The following ARMC8 variants were observed in gnomAD, a reference collection of about 807,000 sequenced individuals.
The protein encoded by ARMC8 is armadillo repeat-containing protein 8.
In ARMC8, 20 loss-of-function variants were observed where a neutral mutation model predicts 99.3. The ratio of observed to expected loss-of-function variants is 0.20; its 90% CI spans 0.14 to 0.29. The LOEUF is 0.29. Ranked by LOEUF, ARMC8 falls within the 10% of genes least tolerant of loss-of-function variation. ARMC8 has a pLI of 1.00. For synonymous variants in ARMC8, 263 were observed against 278.3 expected (o/e 0.95, Z 0.55); for missense variants, 569 against 809.5 (o/e 0.70, Z 3.60).
intron 2 of ARMC8, among the ~76,000 whole-genome samples, chr3:138,218,882 G>GTTT: frequency 6.6e-6 from 1 of 152,202 alleles, no homozygotes; most frequent in South Asian, 2.1e-4. Context: ...TGGGAAAAGG[G>GTTT]TATCTGACTA....
At chr3:138,250,110 AT>A (rs869202628) in intron 12 of ARMC8, among the ~76,000 whole-genome samples, 2 of 151,908 alleles carry the variant, frequency 1.3e-5, no homozygotes, top group African/African-American at 2.4e-5. Flanking sequence ...ATTAAAAAAA[AT>A]TTTTTTTTGA....
At chr3:138,241,545 G>A (rs1485513585) in intron 10 of ARMC8, among the ~76,000 whole-genome samples, 1 of 152,100 alleles carries the variant, frequency 6.6e-6, no homozygotes, top group Non-Finnish European at 1.5e-5. Context: ...ATTAGAATTT[G>A]TATTAATATA....
chr3:138,278,579 C>A (rs1476820043), intron 18 of ARMC8, among the ~76,000 whole-genome samples: 2 of 151,810 alleles, frequency 1.3e-5, no homozygotes, highest in African/African-American at 4.8e-5. Flanking sequence ...TTTCATAATT[C>A]TGTTCTCATT....
At chr3:138,215,862 A>G (rs2044999330) in intron 2 of ARMC8, among the ~76,000 whole-genome samples, 1 of 151,436 alleles carries the variant, frequency 6.6e-6, no homozygotes, top group Non-Finnish European at 1.5e-5. Flanking sequence ...TTATTTATTT[A>G]TTTATTGTTT....
At chr3:138,229,742 G>GTA (rs1346483439) in intron 6 of ARMC8, among the ~76,000 whole-genome samples, 3 of 152,146 alleles carry the variant, frequency 2.0e-5, no homozygotes, top group African/African-American at 4.8e-5. Context: ...TATGTTGAAT[G>GTA]TATCATTTTT....
intron 12 of ARMC8, chr3:138,262,308 G>T: frequency 2.0e-6 from 1 of 509,416 alleles, no homozygotes; most frequent in Non-Finnish European, 3.5e-6. Flanking sequence ...AATTAGGTTT[G>T]GTCTAGGGCG....
intron 12 of ARMC8, among the ~76,000 whole-genome samples, chr3:138,253,820 T>C (rs1365940190): frequency 1.3e-5 from 2 of 152,216 alleles, no homozygotes; most frequent in African/African-American, 4.8e-5. Flanking sequence ...TGCTATGTAG[T>C]AATTCCAGAG....
intron 2 of ARMC8, among the ~76,000 whole-genome samples, chr3:138,220,144 A>G (rs2045312626): frequency 1.3e-5 from 2 of 152,222 alleles, no homozygotes. Flanking sequence ...ACAAGCTGGT[A>G]GGTTAAGGTC....
At chr3:138,206,243 A>G (rs1467037355) in intron 1 of ARMC8, among the ~76,000 whole-genome samples, 3 of 152,240 alleles carry the variant, frequency 2.0e-5, no homozygotes, top group Admixed American at 6.5e-5. Context: ...AAAAGTTTTA[A>G]AATAACTGAA....
chr3:138,199,730 A>T (rs1349867665), intron 1 of ARMC8, among the ~76,000 whole-genome samples: 1 of 152,224 alleles, frequency 6.6e-6, no homozygotes, highest in Admixed American at 6.5e-5. Flanking sequence ...CTGCTTTTAA[A>T]GTATTGGTGT....
At chr3:138,269,584 C>T (rs563807319) in intron 15 of ARMC8, among the ~76,000 whole-genome samples, 1 of 152,086 alleles carries the variant, frequency 6.6e-6, no homozygotes, top group Non-Finnish European at 1.5e-5. Flanking sequence ...TTTCTAAGTT[C>T]CTTTATATTT....
chr3:138,213,137 C>T (rs1331519529), intron 2 of ARMC8, among the ~76,000 whole-genome samples: 1 of 152,166 alleles, frequency 6.6e-6, no homozygotes, highest in Non-Finnish European at 1.5e-5. Flanking sequence ...GTGTAGCATA[C>T]TAGCAGGAAA....
chr3:138,274,221 A>G (rs2049051347), intron 17 of ARMC8, among the ~76,000 whole-genome samples: 1 of 146,436 alleles, frequency 6.8e-6, no homozygotes, highest in South Asian at 2.1e-4. Context: ...TGTATGTGTA[A>G]TGTGTATATA....
chr3:138,224,007 A>G (rs2045549395), intron 5 of ARMC8, among the ~76,000 whole-genome samples: 1 of 143,736 alleles, frequency 7.0e-6, no homozygotes, highest in Non-Finnish European at 1.5e-5. Flanking sequence ...CACCCAGGCT[A>G]GAGTGCAGTG....
At chr3:138,253,485 G>A (rs1465154275) in intron 12 of ARMC8, among the ~76,000 whole-genome samples, 2 of 152,136 alleles carry the variant, frequency 1.3e-5, no homozygotes, top group East Asian at 3.9e-4. Flanking sequence ...TACATGCTAA[G>A]TTAAATACCA....
intron 19 of ARMC8, chr3:138,287,980 T>G (rs1330322111): frequency 5.7e-6 from 1 of 174,100 alleles, no homozygotes; most frequent in Non-Finnish European, 1.2e-5. Flanking sequence ...TTTCAGTACA[T>G]AAAGCAAAAT....
At chr3:138,235,269 CT>C (rs756351576) in intron 7 of ARMC8, among the ~76,000 whole-genome samples, 155 bp downstream of exon 7, 24 of 148,376 alleles carry the variant, frequency 1.6e-4, no homozygotes, top group Non-Finnish European at 3.0e-4. Context: ...ATAGAATGCT[CT>C]TTAAAAAAAA....
Position 138,221,998 on chromosome 3 carries a change from G to A in ARMC8, c.194+1G>A. On this transcript the variant is annotated splice_donor_variant, in intron 3 of 21. Coordinates refer to ENST00000469044, the MANE Select transcript of ARMC8 (RefSeq NM_001363941.2). LOFTEE classifies it high-confidence loss of function. Reference sequence around the variant, plus strand: ...TCATTGTTTTAGGAGCTGTTCCAAGGTATGTTTGCTGTCTCACCCCTTTCT... The same window carrying A: ...TCATTGTTTTAGGAGCTGTTCCAAGATATGTTTGCTGTCTCACCCCTTTCT... The A allele has an allele frequency of 6.2e-7, 1 of 1,612,082 alleles. No homozygotes were observed. The highest frequency in any genetic ancestry group is 8.5e-7 in the Non-Finnish European group (1 of 1,178,504).
intron 18 of ARMC8, among the ~76,000 whole-genome samples, chr3:138,277,679 A>G (rs1347279923): frequency 6.6e-6 from 1 of 152,244 alleles, no homozygotes; most frequent in East Asian, 1.9e-4. Flanking sequence ...GATGCAGAGC[A>G]TCTAGTGGAA....
Sources: allele counts gnomAD v4.1 joint callset (sites outside exome capture counted in the v4.1 genomes callset), GRCh38; gene constraint gnomAD v4.1.1; transcripts MANE v1.5; gene names NCBI Gene and HGNC (gene_info 2026-07-23, HGNC 2026-07-21).